Variants in PHTF2 observed in about 807,000 individuals in gnomAD.
The protein encoded by PHTF2 is protein PHTF2.
A neutral mutation model predicts 101.2 loss-of-function variants in PHTF2; 60 were observed. That is an observed-to-expected ratio of 0.59 (90% CI 0.48 to 0.73). The LOEUF (loss-of-function observed/expected upper bound fraction) is 0.73. PHTF2 is among the 30% of genes least tolerant of loss of function. PHTF2 has a pLI of 0.00. For missense variants in PHTF2, 747 were observed against 908.7 expected (o/e 0.82, Z 2.29); for synonymous variants, 311 against 307.3 (o/e 1.01, Z -0.13).
chr7:77,860,584 C>T (rs1044283170), intron 3 of PHTF2, among the ~76,000 whole-genome samples: 46 of 152,202 alleles, frequency 3.0e-4, no homozygotes, highest in African/African-American at 1.1e-3. Context: ...TATATAAACA[C>T]CAAGTACAGT....
intron 3 of PHTF2, among the ~76,000 whole-genome samples, chr7:77,862,490 A>G: frequency 6.6e-6 from 1 of 152,196 alleles, no homozygotes; most frequent in South Asian, 2.1e-4. Flanking sequence ...AAAGGAAGCA[A>G]TCATTGGCCT....
intron 1 of PHTF2, among the ~76,000 whole-genome samples, chr7:77,839,967 A>C (rs1795745363): frequency 6.6e-6 from 1 of 152,246 alleles, no homozygotes; most frequent in African/African-American, 2.4e-5. Flanking sequence ...AAAGATTAAA[A>C]AAAATTCAAT....
chr7:77,901,960 T>TA (rs1294149586), intron 7 of PHTF2, 40 bp downstream of exon 6: 2 of 1,291,806 alleles, frequency 1.5e-6, no homozygotes, highest in South Asian at 3.3e-5. Flanking sequence ...TTCAGAATGT[T>TA]ACATTGTTAG....
At chr7:77,920,859 G>GT (rs1046364508) in intron 10 of PHTF2, among the ~76,000 whole-genome samples, 81 of 150,594 alleles carry the variant, frequency 5.4e-4, no homozygotes, top group African/African-American at 1.9e-3. Context: ...TTTTTTTTTT[G>GT]TTTTTTGTAG....
intron 2 of PHTF2, among the ~76,000 whole-genome samples, 194 bp downstream of exon 2, chr7:77,840,494 A>G (rs1795785340): frequency 6.6e-6 from 1 of 152,208 alleles, no homozygotes; most frequent in African/African-American, 2.4e-5. Flanking sequence ...TTACTCTACA[A>G]TAGCAAAGTA....
At chr7:77,830,538 C>G (rs1430096511) in intron 1 of PHTF2, among the ~76,000 whole-genome samples, 2 of 152,140 alleles carry the variant, frequency 1.3e-5, no homozygotes, top group South Asian at 4.2e-4. Context: ...CATAAGAGTG[C>G]GAACCCTATT....
intron 8 of PHTF2, chr7:77,909,957 C>G: frequency 4.7e-6 from 1 of 214,108 alleles, no homozygotes; most frequent in Non-Finnish European, 9.1e-6. Context: ...AAGTGGCATT[C>G]AAATAGGGAA....
At chr7:77,928,537 G>C (rs142217792) in intron 11 of PHTF2, among the ~76,000 whole-genome samples, 5 of 151,332 alleles carry the variant, frequency 3.3e-5, no homozygotes, top group Admixed American at 1.3e-4. Context: ...GGGTATCCAC[G>C]TGAGATTGGT....
At chr7:77,907,797 A>G (rs940703081) in intron 7 of PHTF2, 1 of 152,234 alleles carries the variant, frequency 6.6e-6, no homozygotes, top group Non-Finnish European at 1.5e-5. Flanking sequence ...ACCACATTAC[A>G]GTGATAACAC....
Position 77,902,718 on chromosome 7 carries a change from TA to T in PHTF2, c.445+809del, listed in dbSNP as rs1033817320. 6.4e-4 allele frequency among the ~76,000 whole-genome samples: 94 copies of T among 146,602 alleles called. 1 individual carries two copies. Among genetic ancestry groups the T allele is most frequent in the African/African-American group, 1.3e-3 (52 of 40,294 alleles). On this transcript the variant is annotated intron_variant, in intron 7 of 19. Coordinates refer to ENST00000416283, the Ensembl canonical transcript of PHTF2. ...CCTTTCAGTCTTTTTAATATGTGAT[TA>T]AAAAAAAAAACCATGATTACAATCC...
chr7:77,954,037 T>C (rs1806773672), intron 19 of PHTF2, 143 bp downstream of exon 18: 1 of 637,510 alleles, frequency 1.6e-6, no homozygotes. Context: ...CAAAGAATTA[T>C]ATGTATTTAT....
Position 77,954,746 on chromosome 7 carries a change from A to C in PHTF2, c.2338-112A>C. On this transcript the variant is annotated intron_variant, in intron 19 of 19. Transcript: ENST00000416283. Reference sequence around the variant, plus strand: ...AAGGATAAAGGAGTTAAAATATTAGAAACTGCACTTGTTTGTGAATGAAAT... The same window carrying C: ...AAGGATAAAGGAGTTAAAATATTAGCAACTGCACTTGTTTGTGAATGAAAT... 6.5e-6 allele frequency: 4 copies of C among 610,890 alleles called. No homozygotes were observed. The South Asian group carries it at 8.2e-5, about 13-fold the overall frequency. The allele number at this position is 610,890 out of a possible 1,614,324, so 37.8% of individuals were successfully genotyped here.
intron 12 of PHTF2, among the ~76,000 whole-genome samples, chr7:77,930,479 C>CG (rs57877035): frequency 6.6e-6 from 1 of 151,768 alleles, no homozygotes; most frequent in African/African-American, 2.4e-5. Context: ...TAAAATTCCC[C>CG]TCTTCTTCAC....
chr7:77,830,498 C>A (rs915242072), intron 1 of PHTF2, among the ~76,000 whole-genome samples: 1 of 152,166 alleles, frequency 6.6e-6, no homozygotes, highest in Non-Finnish European at 1.5e-5. Flanking sequence ...AGCTCTGCCT[C>A]CTGTCAGATC....
intron 3 of PHTF2, among the ~76,000 whole-genome samples, chr7:77,881,777 A>G (rs1799445511): frequency 6.6e-6 from 1 of 152,042 alleles, no homozygotes. Flanking sequence ...TTTCTTTCTC[A>G]TGCATCCATA....
exon 10 of PHTF2, chr7:77,920,426 A>G (rs764627313): frequency 2.5e-6 from 4 of 1,613,430 alleles, no homozygotes; most frequent in South Asian, 1.1e-5. Flanking sequence ...CAGAAGAGAC[A>G]GCCTGGAACA....
At chr7:77,813,663 T>C (rs1793620647) in intron 1 of PHTF2, among the ~76,000 whole-genome samples, 2 of 152,254 alleles carry the variant, frequency 1.3e-5, no homozygotes, top group South Asian at 2.1e-4. Flanking sequence ...ATGTATGAGC[T>C]ATACATAGCT....
chr7:77,888,606 C>A (rs932701025), intron 3 of PHTF2, among the ~76,000 whole-genome samples: 4 of 152,138 alleles, frequency 2.6e-5, no homozygotes, highest in Non-Finnish European at 4.4e-5. Context: ...TGAAGACATA[C>A]CATCTTATTA....
rs576372122 is a variant in PHTF2, at chr7:77,938,357, C to A, written c.1467+519C>A. ...ATAGTGGTAAAAGTCTTGAGTAGTTCAAAGAAGTCTAATTGAAATACTGTG... is the reference window on the plus strand; with the variant it reads ...ATAGTGGTAAAAGTCTTGAGTAGTTAAAAGAAGTCTAATTGAAATACTGTG... On this transcript the variant is annotated intron_variant, in intron 13 of 19. Coordinates refer to ENST00000416283, the Ensembl canonical transcript of PHTF2. Among the ~76,000 whole-genome samples, 345 of 152,248 alleles carry A rather than the reference C, an allele frequency of 2.3e-3. 3 individuals carry two copies. Among genetic ancestry groups the A allele is most frequent in the Non-Finnish European group, 2.2e-3 (149 of 68,000 alleles).
Sources: gnomAD v4.1 joint callset for allele counts (sites outside exome capture counted in the v4.1 genomes callset) on GRCh38, gnomAD v4.1.1 for gene constraint, MANE v1.5 for transcripts, NCBI Gene and HGNC (gene_info 2026-07-23, HGNC 2026-07-21) for gene names.